NEGR1: variants seen among roughly 807,000 people sequenced by gnomAD.
The protein encoded by NEGR1 is IgLON family member 4.
Under a neutral mutation model 40.9 loss-of-function variants are expected in NEGR1, and 10 were observed. The observed-to-expected ratio is 0.24, with a 90% CI of 0.15 to 0.42. The LOEUF is 0.42. Ranked by LOEUF, NEGR1 falls within the 10% of genes least tolerant of loss-of-function variation. The pLI is 1.00. For missense variants in NEGR1, 352 were observed against 438.9 expected, an observed-to-expected ratio of 0.80 and a Z score of 1.77; for synonymous variants, 185 against 166.8, an observed-to-expected ratio of 1.11 and a Z score of -0.84.
intron 3 of NEGR1, among the ~76,000 whole-genome samples, chr1:71,760,320 T>C (rs1157350799): frequency 6.6e-6 from 1 of 152,184 alleles, no homozygotes; most frequent in African/African-American, 2.4e-5. Flanking sequence ...AGAAATTTTC[T>C]TTCTTTATTC....
At chr1:72,005,725 T>C (rs1279233096) in intron 1 of NEGR1, among the ~76,000 whole-genome samples, 2 of 152,098 alleles carry the variant, frequency 1.3e-5, no homozygotes, top group African/African-American at 4.8e-5. Context: ...CCTGTAAAAT[T>C]TTCCTAGTGT....
chr1:72,173,068 A>G (rs2100397722), intron 1 of NEGR1, among the ~76,000 whole-genome samples: 1 of 151,564 alleles, frequency 6.6e-6, no homozygotes, highest in East Asian at 2.0e-4. Context: ...GTGTAGTGGC[A>G]TGGTCTTGGC....
chr1:71,839,172 G>C (rs1659148319), intron 2 of NEGR1, among the ~76,000 whole-genome samples: 1 of 133,456 alleles, frequency 7.5e-6, no homozygotes, highest in Non-Finnish European at 1.6e-5. Context: ...AAAAAAAAAA[G>C]TACAGCTGGC....
intron 1 of NEGR1, among the ~76,000 whole-genome samples, chr1:72,146,383 T>C (rs1046874057): frequency 2.0e-5 from 3 of 152,178 alleles, no homozygotes; most frequent in African/African-American, 7.2e-5. Context: ...TGTCATACTT[T>C]TTTTACTGGT....
rs570903177 is a variant in NEGR1, at chr1:72,087,388, G to A, written c.177-152077C>T. On this transcript the variant is annotated intron_variant, in intron 1 of 6. Transcript: ENST00000357731. ...GGAGGTTGCAGTGAGCCAAGATTGC[G>A]CCACTGCACTCCAGCTTGGGCGACA... 4.8e-4 allele frequency among the ~76,000 whole-genome samples: 73 copies of A among 151,664 alleles called. 1 individual carries two copies. Among genetic ancestry groups the A allele is most frequent in the African/African-American group, 1.7e-3 (69 of 41,302 alleles).
chr1:71,579,120 C>A (rs546862194), intron 6 of NEGR1, among the ~76,000 whole-genome samples: 2 of 152,228 alleles, frequency 1.3e-5, no homozygotes, highest in East Asian at 1.9e-4. Flanking sequence ...TGGCTCATAT[C>A]ATTTCTGCTA....
At chr1:71,839,425 G>C (rs1025836334) in intron 2 of NEGR1, among the ~76,000 whole-genome samples, 1 of 151,426 alleles carries the variant, frequency 6.6e-6, no homozygotes, top group African/African-American at 2.4e-5. Flanking sequence ...TGGCCAGGCT[G>C]GTCTTGAACT....
intron 6 of NEGR1, among the ~76,000 whole-genome samples, chr1:71,447,049 T>G (rs1646587151): frequency 6.6e-6 from 1 of 152,214 alleles, no homozygotes; most frequent in Admixed American, 6.5e-5. Flanking sequence ...ATTCTACTGC[T>G]GACAGGTCCT....
At chr1:72,114,307 C>T (rs1347032290) in intron 1 of NEGR1, among the ~76,000 whole-genome samples, 1 of 151,602 alleles carries the variant, frequency 6.6e-6, no homozygotes. Flanking sequence ...TCACCCCACA[C>T]CTCTGCCCAG....
At chr1:71,992,376 A>T (rs1646461538) in intron 1 of NEGR1, among the ~76,000 whole-genome samples, 1 of 152,136 alleles carries the variant, frequency 6.6e-6, no homozygotes, top group South Asian at 2.1e-4. Context: ...TCAGTACTGT[A>T]TGGTATTCTT....
At chr1:72,069,087 A>G (rs1647355605) in intron 1 of NEGR1, among the ~76,000 whole-genome samples, 1 of 152,094 alleles carries the variant, frequency 6.6e-6, no homozygotes, top group South Asian at 2.1e-4. Context: ...GGATTTCTTT[A>G]TAGCATATAT....
chr1:71,571,619 G>A (rs1648810246), intron 6 of NEGR1, among the ~76,000 whole-genome samples: 1 of 151,844 alleles, frequency 6.6e-6, no homozygotes, highest in African/African-American at 2.4e-5. Context: ...GCGAAACCAC[G>A]TCTCTACCAA....
At position 71,865,372 on chromosome 1, in the gene NEGR1, C is replaced by T. The variant is rs545636906; in HGVS notation, c.409+69707G>A. On this transcript the variant is annotated intron_variant, in intron 2 of 6. Transcript: ENST00000357731. ...AATGATAGACTTGATAAAGAAAATG[C>T]GGCACTTATACACCATGGAATACTA... 2.5e-4 allele frequency among the ~76,000 whole-genome samples: 38 copies of T among 152,072 alleles called. No individual in the cohort carries two copies. In the South Asian group the frequency reaches 4.8e-3, roughly 19 times the overall value.
intron 1 of NEGR1, among the ~76,000 whole-genome samples, chr1:72,009,644 C>T (rs905907145): frequency 2.0e-5 from 3 of 151,978 alleles, no homozygotes; most frequent in Non-Finnish European, 4.4e-5. Context: ...TACGTGTAAC[C>T]TAAAGGATTA....
chr1:71,780,788 C>A (rs1399838933), intron 2 of NEGR1, among the ~76,000 whole-genome samples: 1 of 152,170 alleles, frequency 6.6e-6, no homozygotes, highest in Non-Finnish European at 1.5e-5. Context: ...TATTTAGATT[C>A]TCTAAAGATA....
intron 1 of NEGR1, among the ~76,000 whole-genome samples, chr1:72,238,050 A>C (rs920433211): frequency 9.2e-5 from 14 of 151,960 alleles, no homozygotes; most frequent in African/African-American, 3.4e-4. Context: ...TTACTACATA[A>C]GTTTTTATGT....
At chr1:72,176,227 C>CT (rs1652159124) in intron 1 of NEGR1, among the ~76,000 whole-genome samples, 1 of 151,958 alleles carries the variant, frequency 6.6e-6, no homozygotes, top group South Asian at 2.1e-4. Context: ...GTTGATTTTT[C>CT]TTACCTCAGA....
chr1:71,956,866 G>A (rs79904712), intron 1 of NEGR1, among the ~76,000 whole-genome samples: 2,830 of 152,174 alleles, frequency 0.019, 81 homozygotes, highest in African/African-American at 0.065. Flanking sequence ...AGTGTCTGTA[G>A]ACTTAAGTTC....
At chr1:71,451,564 A>T (rs538788669) in intron 6 of NEGR1, among the ~76,000 whole-genome samples, 1 of 151,884 alleles carries the variant, frequency 6.6e-6, no homozygotes, top group East Asian at 1.9e-4. Flanking sequence ...TCAAACTCCT[A>T]ACCTCAGGTG....
Sources: gnomAD v4.1 joint callset for allele counts (sites outside exome capture counted in the v4.1 genomes callset) on GRCh38, gnomAD v4.1.1 for gene constraint, MANE v1.5 for transcripts, NCBI Gene and HGNC (gene_info 2026-07-23, HGNC 2026-07-21) for gene names.